Variants in CRPPA observed in about 807,000 individuals in gnomAD.
The protein encoded by CRPPA is D-ribitol-5-phosphate cytidylyltransferase.
Under a neutral mutation model 52.0 loss-of-function variants are expected in CRPPA, and 43 were observed. That is an observed-to-expected ratio of 0.83 (90% confidence interval 0.65 to 1.07). The LOEUF is 1.07. Ranked by LOEUF, CRPPA falls within the 50% of genes least tolerant of loss-of-function variation. The pLI is 0.00. For missense variants in CRPPA, 629 were observed against 551.7 expected (o/e 1.14, Z -1.40); for synonymous variants, 250 against 203.5 (o/e 1.23, Z -1.94).
chr7:16,194,565 G>A (rs1284663234), intron 9 of CRPPA, among the ~76,000 whole-genome samples: 1 of 152,108 alleles, frequency 6.6e-6, no homozygotes, highest in East Asian at 1.9e-4. Context: ...TATTTCCCTA[G>A]ACCCAGAACA....
At chr7:16,209,131 CAAAGAAGATTGTGCTA>C (rs1158149207) in intron 9 of CRPPA, 3 of 370,790 alleles carry the variant, frequency 8.1e-6, no homozygotes, top group African/African-American at 4.2e-5. Context: ...GCTAAAACTA[CAAAGAAGATTGTGCTA>C]AGGCTTAGTG....
chr7:16,244,562 C>A (rs1490113639), intron 8 of CRPPA, among the ~76,000 whole-genome samples: 1 of 152,166 alleles, frequency 6.6e-6, no homozygotes, highest in Non-Finnish European at 1.5e-5. Flanking sequence ...AAACAAATTT[C>A]TACCACTTAA....
At chr7:16,228,505 T>C (rs562071335) in intron 8 of CRPPA, among the ~76,000 whole-genome samples, 1 of 152,058 alleles carries the variant, frequency 6.6e-6, no homozygotes, top group East Asian at 1.9e-4. Flanking sequence ...TAGGTTTCCA[T>C]TTGTTAGTCT....
At chr7:16,096,489 TAAG>T (rs1258688625) in intron 9 of CRPPA, among the ~76,000 whole-genome samples, 4 of 152,136 alleles carry the variant, frequency 2.6e-5, no homozygotes, top group Non-Finnish European at 4.4e-5. Context: ...TGCTTGAAAT[TAAG>T]AATTAATTGG....
At chr7:16,106,188 C>T (rs1193382400) in intron 9 of CRPPA, among the ~76,000 whole-genome samples, 2 of 152,168 alleles carry the variant, frequency 1.3e-5, no homozygotes, top group African/African-American at 4.8e-5. Flanking sequence ...AAGAGCTAGA[C>T]CTGCTTGACC....
intron 8 of CRPPA, among the ~76,000 whole-genome samples, chr7:16,235,083 A>G (rs909128671): frequency 9.2e-5 from 14 of 152,082 alleles, no homozygotes; most frequent in African/African-American, 3.4e-4. Flanking sequence ...CCATTAAGAG[A>G]TGAGAAGCAT....
chr7:16,327,304 A>T (rs1409843149), intron 3 of CRPPA, among the ~76,000 whole-genome samples: 2 of 152,188 alleles, frequency 1.3e-5, no homozygotes, highest in Non-Finnish European at 2.9e-5. Context: ...GTAAAGAGTA[A>T]ATCCAAGGCC....
intron 3 of CRPPA, among the ~76,000 whole-genome samples, chr7:16,358,323 G>T (rs1010691207): frequency 6.6e-6 from 1 of 152,172 alleles, no homozygotes; most frequent in Non-Finnish European, 1.5e-5. Context: ...TCTTAAGCAA[G>T]GGAGATGTTT....
chr7:16,232,201 G>C lies in CRPPA; in HGVS notation c.1120-16004C>G, dbSNP rs949228867. On this transcript the variant is annotated intron_variant, in intron 8 of 9. Transcript: ENST00000407010. Reference sequence around the variant, plus strand: ...TTGGAAAAATTGGCAATAGCCATGAGCCATACTAGAAAACTTCATAATTAA... The same window carrying C: ...TTGGAAAAATTGGCAATAGCCATGACCCATACTAGAAAACTTCATAATTAA... Among the ~76,000 whole-genome samples the C allele has an allele frequency of 2.6e-5, 4 of 152,192 alleles. 1 individual carries two copies. Among genetic ancestry groups the C allele is most frequent in the Admixed American group, 2.0e-4 (3 of 15,276 alleles).
At chr7:16,124,852 T>C (rs1168946338) in intron 9 of CRPPA, among the ~76,000 whole-genome samples, 1 of 150,766 alleles carries the variant, frequency 6.6e-6, no homozygotes, top group Admixed American at 6.6e-5. Context: ...AAATGTCAAT[T>C]AAAATAATTT....
rs1554352523 is a variant in CRPPA at position 16,387,070 on chromosome 7, T to TATATATATACAC, written c.535-10830_535-10829insGTGTATATATAT. 1.3e-3 allele frequency among the ~76,000 whole-genome samples: 89 copies of TATATATATACAC among 67,574 alleles called. 1 individual carries two copies. The highest frequency in any genetic ancestry group is 7.2e-3 in the African/African-American group (86 of 12,002). 44.3% of individuals were successfully genotyped at this position (67,574 alleles called of 152,430 possible). ...ATATATATATATATATATATATATA[T>TATATATATACAC]ATATATATATATATATACACACATA... On this transcript the variant is annotated intron_variant, in intron 2 of 9. Coordinates refer to ENST00000407010, the MANE Select transcript of CRPPA (RefSeq NM_001101426.4).
intron 5 of CRPPA, among the ~76,000 whole-genome samples, chr7:16,279,479 A>C (rs1784274983): frequency 6.6e-6 from 1 of 152,196 alleles, no homozygotes; most frequent in Non-Finnish European, 1.5e-5. Flanking sequence ...GACTACAGGG[A>C]CATGAGTAGT....
At chr7:16,256,145 C>T (rs371605916) in intron 8 of CRPPA, among the ~76,000 whole-genome samples, 2 of 152,144 alleles carry the variant, frequency 1.3e-5, no homozygotes, top group Admixed American at 6.5e-5. Flanking sequence ...TATGAACAGA[C>T]AGTTCTCAAA....
chr7:16,279,859 G>C (rs1013320159), intron 5 of CRPPA, among the ~76,000 whole-genome samples: 3 of 152,184 alleles, frequency 2.0e-5, no homozygotes, highest in Non-Finnish European at 2.9e-5. Flanking sequence ...TCCTGATAAA[G>C]ATATACCAGA....
chr7:16,286,097 A>ATATATATATAT lies in CRPPA; in HGVS notation c.836-7872_836-7871insATATATATATA, dbSNP rs1554309941. ...TATATATATAATATTTAAAAAAAAA[A>ATATATATATAT]ATATATATATATATATATATGCCAA... On this transcript the variant is annotated intron_variant, in intron 5 of 9. Coordinates refer to ENST00000407010, the MANE Select transcript of CRPPA (RefSeq NM_001101426.4). Among the ~76,000 whole-genome samples, 152 of 39,106 alleles carry ATATATATATAT rather than the reference A, an allele frequency of 3.9e-3. 13 individuals are homozygous for ATATATATATAT. Among genetic ancestry groups the ATATATATATAT allele is most frequent in the African/African-American group, 0.012 (63 of 5,450 alleles). 25.7% of individuals were successfully genotyped at this position (39,106 alleles called of 152,430 possible).
chr7:16,389,924 A>ATAT (rs1169753280), intron 2 of CRPPA, among the ~76,000 whole-genome samples: 1,678 of 61,936 alleles, frequency 0.027, 9 homozygotes, highest in Non-Finnish European at 0.039. Flanking sequence ...AAAAAAAAAA[A>ATAT]AAAAATATAT....
At chr7:16,290,021 A>G (rs1327010795) in intron 5 of CRPPA, among the ~76,000 whole-genome samples, 1 of 152,156 alleles carries the variant, frequency 6.6e-6, no homozygotes, top group Admixed American at 6.5e-5. Flanking sequence ...TTTCATATAC[A>G]AATAACTAGC....
At chr7:16,187,056 ATT>A (rs1375555537) in intron 9 of CRPPA, among the ~76,000 whole-genome samples, 5 of 152,174 alleles carry the variant, frequency 3.3e-5, no homozygotes, top group Non-Finnish European at 7.4e-5. Context: ...CATTTTAATA[ATT>A]TTATTTTTAT....
intron 3 of CRPPA, among the ~76,000 whole-genome samples, chr7:16,359,962 T>C (rs1786399009): frequency 6.6e-6 from 1 of 152,150 alleles, no homozygotes; most frequent in Admixed American, 6.6e-5. Flanking sequence ...AACTCTATTA[T>C]TGTTGTTGTC....
Sources: allele counts gnomAD v4.1 joint callset (sites outside exome capture counted in the v4.1 genomes callset), GRCh38; gene constraint gnomAD v4.1.1; transcripts MANE v1.5; gene names NCBI Gene and HGNC (gene_info 2026-07-23, HGNC 2026-07-21).